TF: variants seen among roughly 807,000 people sequenced by gnomAD.
TF encodes serotransferrin.
Under a neutral mutation model 82.4 loss-of-function variants are expected in TF, and 55 were observed. That is an observed-to-expected ratio of 0.67 (90% CI 0.54 to 0.84). TF has a LOEUF of 0.84. TF is among the 40% of genes least tolerant of loss of function. The pLI is 0.00. For synonymous variants in TF, 332 were observed against 332.6 expected, an observed-to-expected ratio of 1.00 and a Z score of 0.02; for missense variants, 737 against 868.4, an observed-to-expected ratio of 0.85 and a Z score of 1.90.
At chr3:133,770,883 G>A (rs543190679) in intron 14 of TF, 1 of 438,762 alleles carries the variant, frequency 2.3e-6, no homozygotes, top group African/African-American at 2.0e-5. Context: ...CATACCCACA[G>A]TATGATTACC....
At chr3:133,734,184 C>G in the TF span, among the ~76,000 whole-genome samples, 12 of 152,250 alleles carry the variant, frequency 7.9e-5, no homozygotes, top group African/African-American at 2.6e-4. Flanking sequence ...GTGTGTGTTT[C>G]TGTGTCCCCT....
the TF span, among the ~76,000 whole-genome samples, chr3:133,681,417 G>A: frequency 6.6e-6 from 1 of 152,354 alleles, no homozygotes; most frequent in Admixed American, 6.5e-5. Flanking sequence ...CCTCACCTGG[G>A]AAGTGCAAGG....
chr3:133,747,989 C>A (rs1933550349), intron 1 of TF, among the ~76,000 whole-genome samples: 2 of 151,806 alleles, frequency 1.3e-5, no homozygotes, highest in Non-Finnish European at 2.9e-5. Flanking sequence ...AAAAAGATGG[C>A]AATTCCTCCC....
intron 16 of TF, 38 bp from the exon 17 acceptor site, chr3:133,778,548 A>G (rs1302503445): frequency 1.2e-6 from 2 of 1,609,330 alleles, no homozygotes; most frequent in Admixed American, 1.7e-5. Context: ...AAATATAGGA[A>G]GATTTTGAAA....
chr3:133,710,562 C>T, the TF span, among the ~76,000 whole-genome samples: 1 of 152,160 alleles, frequency 6.6e-6, no homozygotes, highest in African/African-American at 2.4e-5. Flanking sequence ...ACAAAGAAAC[C>T]ATCAGAGAAG....
chr3:133,732,404 G>A, the TF span, among the ~76,000 whole-genome samples: 2 of 152,134 alleles, frequency 1.3e-5, no homozygotes, highest in African/African-American at 4.8e-5. Flanking sequence ...GGACCAATCA[G>A]CACTCTATAA....
chr3:133,756,457 C>A, intron 6 of TF, 120 bp downstream of exon 6: 2 of 1,181,240 alleles, frequency 1.7e-6, no homozygotes, highest in Non-Finnish European at 2.5e-6. Flanking sequence ...TTTATCATTG[C>A]CTGGGTTTCC....
chr3:133,697,302 A>G, the TF span, among the ~76,000 whole-genome samples: 1 of 152,132 alleles, frequency 6.6e-6, no homozygotes, highest in Non-Finnish European at 1.5e-5. Context: ...TCATTATTAC[A>G]CTGGTTTGTT....
intron 15 of TF, among the ~76,000 whole-genome samples, chr3:133,776,564 C>T (rs1934397304): frequency 6.6e-6 from 1 of 152,180 alleles, no homozygotes; most frequent in Non-Finnish European, 1.5e-5. Context: ...CACTTACAAC[C>T]TTTGGAGATC....
At chr3:133,716,629 T>G in the TF span, among the ~76,000 whole-genome samples, 2 of 152,178 alleles carry the variant, frequency 1.3e-5, no homozygotes, top group African/African-American at 4.8e-5. Flanking sequence ...CAGGTCTCCA[T>G]GCATCTGTCT....
chr3:133,682,727 G>A, the TF span, among the ~76,000 whole-genome samples: 3 of 144,244 alleles, frequency 2.1e-5, no homozygotes, highest in Non-Finnish European at 3.0e-5. Flanking sequence ...CAAAATCTAC[G>A]TCTGATTGGT....
Position 133,789,298 on chromosome 3 carries a change from T to C in TF, c.*10678T>C, listed in dbSNP as rs563568281. 1 of 152,446 alleles carries C rather than the reference T, an allele frequency of 6.6e-6. No individual in the cohort carries two copies. Among genetic ancestry groups the C allele is most frequent in the Admixed American group, 6.5e-5 (1 of 15,314 alleles). The allele number at this position is 152,446 out of a possible 1,614,324, so 9.4% of individuals were successfully genotyped here. On this transcript the variant is annotated 3_prime_UTR_variant, in exon 17 of 17. Transcript: ENST00000402696. ...GGATGCAGTTGCATGTATCCAGGCT[T>C]TGGTGCTGCTGTTCTAAGCAGGGGC...
the TF span, among the ~76,000 whole-genome samples, chr3:133,677,544 G>A: frequency 6.6e-6 from 1 of 152,260 alleles, no homozygotes; most frequent in East Asian, 1.9e-4. Context: ...GGCTGAGGCA[G>A]GAGAATCGCT....
At chr3:133,776,035 C>T (rs1559879472) in intron 15 of TF, among the ~76,000 whole-genome samples, 1 of 152,182 alleles carries the variant, frequency 6.6e-6, no homozygotes, top group East Asian at 1.9e-4. Flanking sequence ...CTGCTTCTAG[C>T]TCCTGGTCAC....
the TF span, among the ~76,000 whole-genome samples, chr3:133,737,992 T>C: frequency 0.013 from 2,041 of 152,260 alleles, 41 homozygotes; most frequent in African/African-American, 0.045. Context: ...TACCAAAACC[T>C]GGCAGAGACA....
At chr3:133,729,179 T>C in the TF span, among the ~76,000 whole-genome samples, 90 of 152,338 alleles carry the variant, frequency 5.9e-4, no homozygotes, top group Middle Eastern at 3.4e-3. Context: ...ACCACTGCTC[T>C]CTTCAAAGCT....
the TF span, among the ~76,000 whole-genome samples, chr3:133,725,433 T>C: frequency 3.5e-3 from 540 of 152,134 alleles, 2 homozygotes; most frequent in African/African-American, 0.012. Flanking sequence ...GAATGGGAGT[T>C]CACTCATGAT....
Position 133,757,854 on chromosome 3 carries a change from A to G in TF, c.956A>G (p.His319Arg), listed in dbSNP as rs41295774. 1,974 of 1,614,206 alleles carry G rather than the reference A, an allele frequency of 1.2e-3. 17 individuals are homozygous for G. The East Asian group carries it at 0.013, about 11-fold the overall frequency. Residue 319 changes from histidine to arginine, a missense_variant, in exon 8 of 17, where the codon CAC (histidine) becomes CGC (arginine). Transcript: ENST00000402696. ...GACCTGCTGTTTAAGGACTCTGCCC[A>G]CGGGTTTTTAAAAGTCCCCCCCAGG... ...GKDLLFKDSA[H>R]GFLKVPPRMD...
the TF span, among the ~76,000 whole-genome samples, chr3:133,677,838 C>T: frequency 6.6e-6 from 1 of 152,016 alleles, no homozygotes; most frequent in Non-Finnish European, 1.5e-5. Flanking sequence ...TGTGCATCAC[C>T]ATGCCCAGCT....
Sources: allele counts gnomAD v4.1 joint callset (sites outside exome capture counted in the v4.1 genomes callset), GRCh38; gene constraint gnomAD v4.1.1; transcripts MANE v1.5; gene names NCBI Gene and HGNC (gene_info 2026-07-23, HGNC 2026-07-21).